Variants in ENOX1 observed in about 807,000 individuals in gnomAD.
The protein encoded by ENOX1 is candidate growth-related and time keeping constitutive hydroquinone (NADH) oxidase.
A neutral mutation model predicts 82.5 loss-of-function variants in ENOX1; 42 were observed. The observed-to-expected ratio is 0.51, with a 90% CI of 0.40 to 0.66. The LOEUF is 0.66. Among genes scored for constraint, ENOX1 ranks in the 30% least tolerant of loss-of-function variants. ENOX1 has a pLI of 0.00. For missense variants in ENOX1, 608 were observed against 811.6 expected (o/e 0.75, Z 3.05); for synonymous variants, 271 against 282.2 (o/e 0.96, Z 0.40).
chr13:43,697,737 C>T (rs2086710353), intron 1 of ENOX1, among the ~76,000 whole-genome samples: 4 of 152,194 alleles, frequency 2.6e-5, no homozygotes, highest in African/African-American at 4.8e-5. Flanking sequence ...ATCTGATAGG[C>T]TTTGCTGGAA....
chr13:43,303,019 T>C (rs538486943), intron 11 of ENOX1, among the ~76,000 whole-genome samples: 1 of 152,256 alleles, frequency 6.6e-6, no homozygotes, highest in Admixed American at 6.5e-5. Flanking sequence ...TTAGTCTTTG[T>C]GTGTTTGGGG....
intron 2 of ENOX1, among the ~76,000 whole-genome samples, chr13:43,526,113 A>C (rs2077981372): frequency 6.6e-6 from 1 of 152,162 alleles, no homozygotes; most frequent in African/African-American, 2.4e-5. Context: ...TTTGAAGATT[A>C]TACAACAATA....
intron 1 of ENOX1, among the ~76,000 whole-genome samples, chr13:43,769,538 T>C (rs1448291305): frequency 1.3e-5 from 2 of 152,244 alleles, no homozygotes; most frequent in African/African-American, 4.8e-5. Flanking sequence ...TTCACTGGTC[T>C]TTACATCCTA....
intron 2 of ENOX1, among the ~76,000 whole-genome samples, chr13:43,534,930 C>T (rs1355317284): frequency 2.0e-5 from 3 of 152,136 alleles, no homozygotes; most frequent in Admixed American, 2.0e-4. Context: ...GCTTCTGGAT[C>T]CATGGATTTA....
At chr13:43,389,403 C>T (rs2052628648) in intron 5 of ENOX1, among the ~76,000 whole-genome samples, 1 of 152,166 alleles carries the variant, frequency 6.6e-6, no homozygotes, top group Non-Finnish European at 1.5e-5. Flanking sequence ...TAAATAGCCC[C>T]TGTTGGTGTG....
intron 3 of ENOX1, among the ~76,000 whole-genome samples, chr13:43,471,253 C>T (rs892882035): frequency 6.6e-6 from 1 of 151,828 alleles, no homozygotes; most frequent in African/African-American, 2.4e-5. Flanking sequence ...TTATATAAAG[C>T]CCTGAAAGAA....
intron 2 of ENOX1, among the ~76,000 whole-genome samples, chr13:43,665,393 T>G (rs1036264745): frequency 6.6e-6 from 1 of 152,134 alleles, no homozygotes; most frequent in Non-Finnish European, 1.5e-5. Context: ...ATCTGAACAC[T>G]CAAAAGATAA....
At chr13:43,420,540 G>C (rs1336723926) in intron 3 of ENOX1, among the ~76,000 whole-genome samples, 1 of 152,182 alleles carries the variant, frequency 6.6e-6, no homozygotes, top group East Asian at 1.9e-4. Context: ...TGCAAGTTTA[G>C]GGGCAGAGTA....
rs1413127820 is a variant in ENOX1 at position 43,445,376 on chromosome 13, G to A, written c.-74-32388C>T. The stretch of plus-strand genomic sequence containing the variant: ...CTGACCTCGTGATCTGCCCGCCTTG[G>A]CCTCCCAAAGTGCTGGGATTACAGG... On this transcript the variant is annotated intron_variant, in intron 3 of 16. Transcript: ENST00000690772. 7.2e-5 allele frequency among the ~76,000 whole-genome samples: 11 copies of A among 152,198 alleles called. No individual in the cohort carries two copies. In the East Asian group the frequency reaches 1.9e-3, roughly 27 times the overall value.
intron 3 of ENOX1, among the ~76,000 whole-genome samples, chr13:43,418,983 G>C (rs1332436847): frequency 6.6e-6 from 1 of 152,116 alleles, no homozygotes; most frequent in Non-Finnish European, 1.5e-5. Context: ...TTTGAGACCA[G>C]CCTGGCCAAT....
At chr13:43,473,948 T>A (rs1377214919) in intron 3 of ENOX1, among the ~76,000 whole-genome samples, 2 of 152,208 alleles carry the variant, frequency 1.3e-5, no homozygotes, top group Non-Finnish European at 2.9e-5. Flanking sequence ...TTGGAAATCA[T>A]CATTCTGGGC....
chr13:43,257,877 C>T (rs1251090472), intron 14 of ENOX1, among the ~76,000 whole-genome samples: 1 of 152,196 alleles, frequency 6.6e-6, no homozygotes, highest in Non-Finnish European at 1.5e-5. Context: ...ATGTCCATGT[C>T]AGACCATTTC....
At chr13:43,253,898 A>C (rs1165285333) in intron 14 of ENOX1, among the ~76,000 whole-genome samples, 2 of 152,186 alleles carry the variant, frequency 1.3e-5, no homozygotes, top group African/African-American at 4.8e-5. Context: ...GGCAGTGCTA[A>C]GCCATACCTC....
chr13:43,737,235 T>C (rs2089676521), intron 1 of ENOX1, among the ~76,000 whole-genome samples: 1 of 152,170 alleles, frequency 6.6e-6, no homozygotes, highest in Non-Finnish European at 1.5e-5. Context: ...TTCTAGACAA[T>C]AACAAGAAGA....
At chr13:43,568,956 G>A (rs777700348) in intron 2 of ENOX1, among the ~76,000 whole-genome samples, 5 of 152,108 alleles carry the variant, frequency 3.3e-5, no homozygotes, top group Non-Finnish European at 4.4e-5. Flanking sequence ...TAGCTACGGG[G>A]ATAGGGTCAG....
intron 15 of ENOX1, among the ~76,000 whole-genome samples, chr13:43,231,656 G>A (rs1014586638): frequency 7.2e-5 from 11 of 152,258 alleles, no homozygotes; most frequent in African/African-American, 2.6e-4. Context: ...TCATCCTTTA[G>A]GACTAGCTCA....
chr13:43,699,501 G>A (rs992156886), intron 1 of ENOX1, among the ~76,000 whole-genome samples: 20 of 152,086 alleles, frequency 1.3e-4, no homozygotes, highest in African/African-American at 4.6e-4. Flanking sequence ...AACCAGTTTC[G>A]AAAGATAAGA....
intron 3 of ENOX1, among the ~76,000 whole-genome samples, chr13:43,452,021 G>A (rs541969705): frequency 3.3e-5 from 5 of 152,342 alleles, no homozygotes; most frequent in Middle Eastern, 6.8e-3. Flanking sequence ...TGACAGTTGA[G>A]TAGAGACCTG....
At chr13:43,423,713 G>T (rs960577293) in intron 3 of ENOX1, among the ~76,000 whole-genome samples, 1 of 152,136 alleles carries the variant, frequency 6.6e-6, no homozygotes, top group South Asian at 2.1e-4. Context: ...CTTGGAAAGT[G>T]ACTCTTCTAT....
Sources: allele counts gnomAD v4.1 joint callset (sites outside exome capture counted in the v4.1 genomes callset), GRCh38; gene constraint gnomAD v4.1.1; transcripts MANE v1.5; gene names NCBI Gene and HGNC (gene_info 2026-07-23, HGNC 2026-07-21).